The following MYO3A variants were observed in gnomAD, a reference collection of about 807,000 sequenced individuals.
MYO3A encodes the protein myosin IIIA, also known as myosin-IIIa.
Under a neutral mutation model 192.7 loss-of-function variants are expected in MYO3A, and 180 were observed. That is an observed-to-expected ratio of 0.93 (90% CI 0.83 to 1.06). MYO3A has a LOEUF of 1.06. Among genes scored for constraint, MYO3A ranks in the 50% least tolerant of loss-of-function variants. The probability of loss-of-function intolerance (pLI) is 0.00; values close to 1 mark genes in which losing one functional copy is unlikely to be tolerated. For missense variants in MYO3A, 1,896 were observed against 1,905.0 expected (o/e 1.00, Z 0.09); for synonymous variants, 628 against 645.3 (o/e 0.97, Z 0.41).
chr10:26,145,242 G>A lies in MYO3A; in HGVS notation c.2417-204G>A, dbSNP rs564741640. 9.3e-5 allele frequency among the ~76,000 whole-genome samples: 14 copies of A among 150,762 alleles called. No homozygotes were observed. In the East Asian group the frequency reaches 2.7e-3, roughly 29 times the overall value. On this transcript the variant is annotated intron_variant, in intron 21 of 34. Transcript: ENST00000642920. ...TGCATGACATGGCTTGAGGACTGATGCCCTAAATCGTAATGTAATGGTGGA... is the reference window on the plus strand; with the variant it reads ...TGCATGACATGGCTTGAGGACTGATACCCTAAATCGTAATGTAATGGTGGA...
intron 14 of MYO3A, among the ~76,000 whole-genome samples, chr10:26,071,754 A>G (rs1835222122): frequency 6.6e-6 from 1 of 152,190 alleles, no homozygotes; most frequent in African/African-American, 2.4e-5. Flanking sequence ...TACGTAAACA[A>G]ATGAAAAGTT....
At chr10:26,078,884 T>A (rs1835756786) in intron 14 of MYO3A, among the ~76,000 whole-genome samples, 1 of 152,190 alleles carries the variant, frequency 6.6e-6, no homozygotes, top group African/African-American at 2.4e-5. Flanking sequence ...TGGTATAATA[T>A]AACTTCAATT....
intron 6 of MYO3A, among the ~76,000 whole-genome samples, chr10:26,010,457 T>TGTTTG (rs1346756207): frequency 0.012 from 1,629 of 131,810 alleles, 29 homozygotes; most frequent in African/African-American, 0.046. Context: ...GTTGTTTTTT[T>TGTTTG]TTTTTTTTTT....
chr10:26,179,827 C>G (rs1842533761), intron 31 of MYO3A, among the ~76,000 whole-genome samples: 1 of 152,134 alleles, frequency 6.6e-6, no homozygotes, highest in South Asian at 2.1e-4. Flanking sequence ...ATTGTTCAAT[C>G]TCAATTATTA....
At chr10:26,106,582 T>G (rs1446479702) in intron 17 of MYO3A, among the ~76,000 whole-genome samples, 1 of 152,136 alleles carries the variant, frequency 6.6e-6, no homozygotes, top group African/African-American at 2.4e-5. Flanking sequence ...GAGTCTAGTT[T>G]CTGATTTTAA....
At chr10:26,021,841 A>G in intron 8 of MYO3A, 193 bp downstream of exon 8, 1 of 696,986 alleles carries the variant, frequency 1.4e-6, no homozygotes, top group Non-Finnish European at 2.4e-6. Context: ...GGTCTAAGTA[A>G]AAGAGCTTTC....
At chr10:26,126,734 T>G (rs2131738665) in intron 19 of MYO3A, among the ~76,000 whole-genome samples, 1 of 152,308 alleles carries the variant, frequency 6.6e-6, no homozygotes, top group South Asian at 2.1e-4. Context: ...ATCATCTGCA[T>G]GTTTGGCACT....
chr10:26,125,279 C>G (rs1195718885), intron 18 of MYO3A, 119 bp from the exon 19 acceptor site: 6 of 902,330 alleles, frequency 6.6e-6, no homozygotes, highest in Non-Finnish European at 8.9e-6. Flanking sequence ...TTTTACATTA[C>G]ATAATCTCCA....
At chr10:26,169,588 A>G (rs931324608) in intron 28 of MYO3A, among the ~76,000 whole-genome samples, 10 of 152,294 alleles carry the variant, frequency 6.6e-5, no homozygotes, top group African/African-American at 2.4e-4. Flanking sequence ...CATCAATTTT[A>G]TGATCCACTA....
intron 31 of MYO3A, among the ~76,000 whole-genome samples, chr10:26,182,482 G>T (rs1842659311): frequency 6.6e-6 from 1 of 152,178 alleles, no homozygotes; most frequent in Non-Finnish European, 1.5e-5. Context: ...AGTATGAGCG[G>T]AGGGAAAGAA....
intron 10 of MYO3A, among the ~76,000 whole-genome samples, chr10:26,045,965 C>T (rs1843618631): frequency 6.6e-6 from 1 of 152,186 alleles, no homozygotes; most frequent in South Asian, 2.1e-4. Flanking sequence ...AATAAGAACT[C>T]ATTCATGTGG....
At chr10:26,146,711 A>T (rs971952672) in intron 22 of MYO3A, among the ~76,000 whole-genome samples, 2 of 152,220 alleles carry the variant, frequency 1.3e-5, no homozygotes, top group Non-Finnish European at 2.9e-5. Context: ...TCACAGTGAA[A>T]GTTTACATCT....
intron 10 of MYO3A, among the ~76,000 whole-genome samples, chr10:26,050,951 C>A (rs1328278361): frequency 6.6e-6 from 1 of 152,188 alleles, no homozygotes; most frequent in Non-Finnish European, 1.5e-5. Flanking sequence ...TACATCACTT[C>A]TTTAGGTTGT....
rs753360802 is a variant in MYO3A at position 26,174,238 on chromosome 10, G to T, written c.3974G>T (p.Arg1325Leu). 6.2e-7 allele frequency: 1 copy of T among 1,614,060 alleles called. No individual in the cohort carries two copies. The highest frequency in any genetic ancestry group is 2.2e-5 in the East Asian group (1 of 44,882). The change falls in exon 30 of 35, where the codon CGT becomes CTT. Residue 1325 changes from arginine to leucine, a missense_variant. Physicochemically the swap from Arg to Leu is moderately radical, Grantham distance 102. Coordinates refer to ENST00000642920, the MANE Select transcript of MYO3A (RefSeq NM_017433.5). ...PICSQEEGRG[R>L]LRHETVKERQ... Reference sequence around the variant, plus strand: ...TGCAGCCAGGAGGAAGGCAGAGGCCGTCTGAGGCATGAGACAGTCAAAGAG... The same window carrying T: ...TGCAGCCAGGAGGAAGGCAGAGGCCTTCTGAGGCATGAGACAGTCAAAGAG...
At position 26,171,932 on chromosome 10, in the gene MYO3A, T is replaced by C. The variant is rs921080180; in HGVS notation, c.3398+1393T>C. 2.3e-4 allele frequency among the ~76,000 whole-genome samples: 35 copies of C among 152,210 alleles called. 1 individual carries two copies. Among genetic ancestry groups the C allele is most frequent in the African/African-American group, 8.2e-4 (34 of 41,456 alleles). On this transcript the variant is annotated intron_variant, in intron 29 of 34. Transcript: ENST00000642920. ...CTTCTGAGGATACCAGGGATTAGCT[T>C]TCAATGTAGCAGATACTTATTAAGA... is the stretch of plus-strand genomic sequence containing the variant.
intron 4 of MYO3A, among the ~76,000 whole-genome samples, chr10:25,980,186 G>A (rs1018132211): frequency 1.3e-5 from 2 of 150,304 alleles, no homozygotes; most frequent in Admixed American, 6.6e-5. Context: ...GCAGTGAGCC[G>A]AGATCGCACC....
intron 4 of MYO3A, among the ~76,000 whole-genome samples, chr10:25,989,031 A>G (rs1839844989): frequency 6.7e-6 from 1 of 149,656 alleles, no homozygotes; most frequent in Admixed American, 6.8e-5. Flanking sequence ...GCAGCCTCGA[A>G]CTCATGGGCT....
At chr10:26,183,392 G>A (rs1170745990) in intron 31 of MYO3A, among the ~76,000 whole-genome samples, 2 of 152,054 alleles carry the variant, frequency 1.3e-5, no homozygotes, top group African/African-American at 4.8e-5. Flanking sequence ...GCTTGGTGGC[G>A]GGCGCCTATA....
At chr10:26,006,219 C>A (rs1036381112) in intron 6 of MYO3A, among the ~76,000 whole-genome samples, 7 of 151,944 alleles carry the variant, frequency 4.6e-5, no homozygotes, top group African/African-American at 7.3e-5. Context: ...ATCTCTGGGA[C>A]ACATTCAAAG....
Sources: gnomAD v4.1 joint callset for allele counts (sites outside exome capture counted in the v4.1 genomes callset) on GRCh38, gnomAD v4.1.1 for gene constraint, MANE v1.5 for transcripts, NCBI Gene and HGNC (gene_info 2026-07-23, HGNC 2026-07-21) for gene names.